Variants in CASTOR2 observed in about 807,000 individuals in gnomAD.
CASTOR2 encodes cytosolic arginine sensor for mTORC1 subunit 2.
In CASTOR2, 8 loss-of-function variants were observed where a neutral mutation model predicts 31.2. The ratio of observed to expected loss-of-function variants is 0.26; its 90% CI spans 0.15 to 0.46. The LOEUF is 0.46. CASTOR2 is among the 20% of genes least tolerant of loss of function. CASTOR2 has a pLI of 0.99. For synonymous variants in CASTOR2, 162 were observed against 158.7 expected (o/e 1.02, Z -0.16); for missense variants, 216 against 382.1 (o/e 0.57, Z 3.62).
rs1805237732 is a variant in CASTOR2 at position 75,029,451 on chromosome 7, C to A, written c.*4752C>A. Among the ~76,000 whole-genome samples the A allele has an allele frequency of 6.7e-6, 1 of 149,288 alleles. No individual in the cohort carries two copies. Among genetic ancestry groups the A allele is most frequent in the Non-Finnish European group, 1.5e-5 (1 of 67,712 alleles). ...CTCTGCTTCCCAGGTTCAAGTGATT[C>A]TCCTGCCTCAGCCTCCCAAGTAGCT... On this transcript the variant is annotated 3_prime_UTR_variant, in exon 9 of 9. Coordinates refer to ENST00000616305, the MANE Select transcript of CASTOR2 (RefSeq NM_001145064.3).
At chr7:74,988,773 TTC>T (rs1443097004) in intron 1 of CASTOR2, among the ~76,000 whole-genome samples, 15 of 151,980 alleles carry the variant, frequency 9.9e-5, no homozygotes, top group Non-Finnish European at 1.5e-5. Flanking sequence ...ACATTTATCT[TTC>T]CCTTGATTTT....
At chr7:75,013,849 T>C (rs1387294729) in intron 2 of CASTOR2, among the ~76,000 whole-genome samples, 1 of 152,050 alleles carries the variant, frequency 6.6e-6, no homozygotes, top group Non-Finnish European at 1.5e-5. Flanking sequence ...TGCCTCAGCC[T>C]CCTGAGTTGC....
rs1805271386 is a variant in CASTOR2, at chr7:75,030,475, A to AT, written c.*5776_*5777insT. On this transcript the variant is annotated 3_prime_UTR_variant, in exon 9 of 9. Transcript: ENST00000616305. ...ACCCCACTTGTCAGAACTACTCTGG[A>AT]GGGGGGCAAAGGTGTCAGGAACAGT... 2.0e-5 allele frequency among the ~76,000 whole-genome samples: 3 copies of AT among 152,056 alleles called. 1 individual carries two copies. In the South Asian group the frequency reaches 6.2e-4, roughly 32 times the overall value.
intron 5 of CASTOR2, 39 bp from the exon 6 acceptor site, chr7:75,020,000 A>G: frequency 6.5e-7 from 1 of 1,538,016 alleles, no homozygotes; most frequent in Non-Finnish European, 8.8e-7. Context: ...GGCAGGGGCC[A>G]CAGGGGCCCC....
chr7:75,008,853 G>A (rs1804664304), intron 2 of CASTOR2, among the ~76,000 whole-genome samples: 1 of 152,132 alleles, frequency 6.6e-6, no homozygotes, highest in South Asian at 2.1e-4. Context: ...GGGAGGCTGA[G>A]GTGGGAGGAT....
intron 1 of CASTOR2, among the ~76,000 whole-genome samples, chr7:74,989,578 A>T (rs1380422349): frequency 8.4e-5 from 11 of 131,190 alleles, no homozygotes; most frequent in East Asian, 2.2e-4. Context: ...GTGTCCGCCT[A>T]TTTTTTTTTT....
In CASTOR2 at chr7:75,026,188, G is replaced by GTTTTTTTTTTTT. The variant is rs1178084776; in HGVS notation, c.*1489_*1490insTTTTTTTTTTTT. 9.2e-3 allele frequency among the ~76,000 whole-genome samples: 1,045 copies of GTTTTTTTTTTTT among 112,990 alleles called. 35 individuals are homozygous for GTTTTTTTTTTTT. The highest frequency in any genetic ancestry group is 0.016 in the Non-Finnish European group (796 of 51,310). The allele number at this position is 112,990 out of a possible 152,430, so 74.1% of individuals were successfully genotyped here. A position where few individuals can be genotyped will look rare whatever the true frequency, so the allele number is the denominator to read the frequency against. On this transcript the variant is annotated 3_prime_UTR_variant, in exon 9 of 9. Transcript: ENST00000616305. ...CCCCTGTGGTTTTGGCTCTGGCGGG[G>GTTTTTTTTTTTT]GTTTTTTTTTTTTTTTTTGAGATGG... is the stretch of plus-strand genomic sequence containing the variant.
rs1805150430 is a variant in CASTOR2 at position 75,026,925 on chromosome 7, A to G, written c.*2226A>G. 6.6e-6 allele frequency among the ~76,000 whole-genome samples: 1 copy of G among 152,058 alleles called. No individual in the cohort carries two copies. The highest frequency in any genetic ancestry group is 2.1e-4 in the South Asian group (1 of 4,826). The stretch of plus-strand genomic sequence containing the variant: ...CCCCTAGACTTCCTAGGACGTATCT[A>G]TTGTACACACCTATAAATACCTGTG... On this transcript the variant is annotated 3_prime_UTR_variant, in exon 9 of 9. Transcript: ENST00000616305.
intron 6 of CASTOR2, 70 bp from the exon 7 acceptor site, chr7:75,021,804 G>A: frequency 6.5e-7 from 1 of 1,538,838 alleles, no homozygotes; most frequent in Non-Finnish European, 8.8e-7. Flanking sequence ...TCTGGCTGGT[G>A]CACCAGCACA....
intron 1 of CASTOR2, among the ~76,000 whole-genome samples, chr7:75,004,131 AG>A (rs1804558175): frequency 6.6e-6 from 1 of 152,060 alleles, no homozygotes; most frequent in African/African-American, 2.4e-5. Context: ...CCACCCAGGG[AG>A]TACCAGCTCA....
At chr7:75,008,276 G>A (rs1321749858) in intron 2 of CASTOR2, among the ~76,000 whole-genome samples, 1 of 148,488 alleles carries the variant, frequency 6.7e-6, no homozygotes, top group Non-Finnish European at 1.5e-5. Context: ...CTGGGTTCTG[G>A]AGGGTCCCCT....
intron 1 of CASTOR2, among the ~76,000 whole-genome samples, chr7:74,979,391 TA>T (rs1167127551): frequency 2.1e-5 from 3 of 145,286 alleles, no homozygotes; most frequent in African/African-American, 2.6e-5. Context: ...GATGTTCCCA[TA>T]TTTTTTTTTT....
rs1408932336 is a variant in CASTOR2 at position 75,025,066 on chromosome 7, C to T, written c.*367C>T. Among the ~76,000 whole-genome samples, 5 of 152,340 alleles carry T rather than the reference C, an allele frequency of 3.3e-5. No individual in the cohort carries two copies. In the East Asian group the frequency reaches 5.8e-4, roughly 18 times the overall value. ...GAAGCCGGTCCCTCCTGCGAGACAC[C>T]GGTGTGCCAGCTGTCATGTCACCTT... On this transcript the variant is annotated 3_prime_UTR_variant, in exon 9 of 9. Coordinates refer to ENST00000616305, the MANE Select transcript of CASTOR2 (RefSeq NM_001145064.3).
chr7:75,026,764 G>A lies in CASTOR2; in HGVS notation c.*2065G>A, dbSNP rs1805146615. Among the ~76,000 whole-genome samples the A allele has an allele frequency of 6.6e-6, 1 of 152,070 alleles. No individual in the cohort carries two copies. The highest frequency in any genetic ancestry group is 2.4e-5 in the African/African-American group (1 of 41,392). On this transcript the variant is annotated 3_prime_UTR_variant, in exon 9 of 9. Transcript: ENST00000616305. ...TGGCCAAGTGGGGCAGGGCTGTGGT[G>A]GAAGCCCTGAGTCCCCTTTCTGACC...
In CASTOR2 at chr7:75,026,962, TAGAG is replaced by T. The variant is rs1304464036; in HGVS notation, c.*2265_*2268del. ...TATAAATACCTGTGTTTTATGTTGA[TAGAG>T]ATATATACTGTAAATAGCATATATA... is the stretch of plus-strand genomic sequence containing the variant. On this transcript the variant is annotated 3_prime_UTR_variant, in exon 9 of 9. Coordinates refer to ENST00000616305, the MANE Select transcript of CASTOR2 (RefSeq NM_001145064.3). 2.6e-5 allele frequency among the ~76,000 whole-genome samples: 4 copies of T among 152,322 alleles called. No homozygotes were observed. Among genetic ancestry groups the T allele is most frequent in the African/African-American group, 7.2e-5 (3 of 41,570 alleles).
intron 7 of CASTOR2, among the ~76,000 whole-genome samples, chr7:75,023,661 A>G (rs1805060516): frequency 6.6e-6 from 1 of 151,736 alleles, no homozygotes; most frequent in Non-Finnish European, 1.5e-5. Context: ...GCTGGTCTCG[A>G]ACTCCTGACC....
chr7:75,002,603 A>G (rs1174527583), intron 1 of CASTOR2, among the ~76,000 whole-genome samples: 1 of 152,174 alleles, frequency 6.6e-6, no homozygotes, highest in Non-Finnish European at 1.5e-5. Flanking sequence ...CCTGGGCAAC[A>G]AGAGCAAAAC....
chr7:74,997,764 G>A lies in CASTOR2; in HGVS notation c.114-10230G>A, dbSNP rs1387531854. Among the ~76,000 whole-genome samples, 10 of 151,290 alleles carry A rather than the reference G, an allele frequency of 6.6e-5. No individual in the cohort carries two copies. The South Asian group carries it at 1.7e-3, about 25-fold the overall frequency. ...TTTTTTTTTTTAATCATAGGTACTT[G>A]TAACTCTGTAAAAAGTCTACCCTGC... On this transcript the variant is annotated intron_variant, in intron 1 of 8. Coordinates refer to ENST00000616305, the MANE Select transcript of CASTOR2 (RefSeq NM_001145064.3).
chr7:74,984,672 T>C (rs1804022049), intron 1 of CASTOR2, among the ~76,000 whole-genome samples: 1 of 152,136 alleles, frequency 6.6e-6, no homozygotes, highest in Non-Finnish European at 1.5e-5. Context: ...CAGGTTCCTA[T>C]GGGCCAGGCC....
Sources: gnomAD v4.1 joint callset for allele counts (sites outside exome capture counted in the v4.1 genomes callset) on GRCh38, gnomAD v4.1.1 for gene constraint, MANE v1.5 for transcripts, NCBI Gene and HGNC (gene_info 2026-07-23, HGNC 2026-07-21) for gene names.